Variants in SPATS2L observed in about 807,000 individuals in gnomAD.
SPATS2L encodes SPATS2-like protein.
Under a neutral mutation model 59.6 loss-of-function variants are expected in SPATS2L, and 30 were observed. The ratio of observed to expected loss-of-function variants is 0.50; its 90% CI spans 0.38 to 0.68. The LOEUF (loss-of-function observed/expected upper bound fraction) is 0.68. SPATS2L is among the 30% of genes least tolerant of loss of function. The pLI, the probability that SPATS2L is intolerant of heterozygous loss-of-function variation, is 0.00. For synonymous variants in SPATS2L, 252 were observed against 263.5 expected (o/e 0.96, Z 0.42); for missense variants, 615 against 700.0 (o/e 0.88, Z 1.37).
At chr2:200,307,812 C>A (rs538655972) in intron 1 of SPATS2L, among the ~76,000 whole-genome samples, 4 of 152,208 alleles carry the variant, frequency 2.6e-5, no homozygotes, top group Non-Finnish European at 4.4e-5. Flanking sequence ...TCATCCCCCC[C>A]GCAATCCTGG....
intron 4 of SPATS2L, 135 bp downstream of exon 4, chr2:200,412,554 C>A: frequency 2.8e-5 from 11 of 393,944 alleles, no homozygotes; most frequent in East Asian, 4.2e-5. Context: ...CGAGGTTTCA[C>A]ATGATTGCGC....
Position 200,477,775 on chromosome 2 carries a change from A to G in SPATS2L, c.1421A>G (p.Gln474Arg), listed in dbSNP as rs1419792111. The change falls in exon 13 of 13, where the codon CAG becomes CGG. Residue 474 changes from glutamine (Q) to arginine (R), a missense_variant. Transcript: ENST00000409140. ...KGNSRHEHRR[Q>R]PHNGFRPKNK... is the part of the protein sequence containing the mutation. ...AACAGCCGCCACGAACACAGAAGAC[A>G]GCCGCACAACGGCTTCCGGCCCAAA... 1.3e-6 allele frequency: 2 copies of G among 1,581,380 alleles called. No homozygotes were observed. Among genetic ancestry groups the G allele is most frequent in the Admixed American group, 3.7e-5 (2 of 54,692 alleles).
At chr2:200,306,965 A>C in intron 1 of SPATS2L, 43 bp downstream of exon 1, 4 of 982,380 alleles carry the variant, frequency 4.1e-6, no homozygotes, top group Non-Finnish European at 4.8e-6. Flanking sequence ...CTGGGGATGC[A>C]GGGCGCGGGC....
intron 9 of SPATS2L, among the ~76,000 whole-genome samples, chr2:200,465,042 A>G (rs1217656660): frequency 6.6e-6 from 1 of 152,234 alleles, no homozygotes; most frequent in Admixed American, 6.5e-5. Context: ...CAGCAGGCAT[A>G]TTGCATACCC....
At chr2:200,374,124 A>G (rs940168928) in intron 2 of SPATS2L, among the ~76,000 whole-genome samples, 1 of 152,212 alleles carries the variant, frequency 6.6e-6, no homozygotes, top group Non-Finnish European at 1.5e-5. Context: ...TGCAGGAGCC[A>G]ATCTTAAATT....
intron 2 of SPATS2L, among the ~76,000 whole-genome samples, chr2:200,345,267 C>T (rs2080473206): frequency 6.6e-6 from 1 of 152,072 alleles, no homozygotes; most frequent in East Asian, 1.9e-4. Flanking sequence ...GAAAGTGGTC[C>T]AGTTTCGATC....
chr2:200,338,209 G>C (rs1010193691), intron 2 of SPATS2L, among the ~76,000 whole-genome samples: 3 of 152,062 alleles, frequency 2.0e-5, no homozygotes, highest in African/African-American at 7.2e-5. Context: ...ATTTTTTATA[G>C]AAATGGGATT....
At chr2:200,430,812 G>C (rs2083880095) in intron 6 of SPATS2L, among the ~76,000 whole-genome samples, 1 of 150,014 alleles carries the variant, frequency 6.7e-6, no homozygotes, top group Non-Finnish European at 1.5e-5. Flanking sequence ...CTGCCTCACA[G>C]GTTCAAGTGA....
At chr2:200,321,915 A>G (rs2079572069) in intron 1 of SPATS2L, among the ~76,000 whole-genome samples, 1 of 152,214 alleles carries the variant, frequency 6.6e-6, no homozygotes, top group Non-Finnish European at 1.5e-5. Context: ...ACAGAGAGAT[A>G]GTGGTGGTAG....
rs2106261069 is a variant in SPATS2L at position 200,477,722 on chromosome 2, G to A, written c.1368G>A (p.Gly456=). ...LNGPAKSQGS[G]NEAEPLGKGN... Reference sequence around the variant, plus strand: ...GGCCTGCCAAGTCGCAGGGCAGTGGGAATGAAGCCGAGCCACTGGGAAAGG... The same window carrying A: ...GGCCTGCCAAGTCGCAGGGCAGTGGAAATGAAGCCGAGCCACTGGGAAAGG... The change falls in exon 13 of 13, where the codon GGG becomes GGA. Residue 456 remains glycine (G), a synonymous_variant. Coordinates refer to ENST00000409140, the MANE Select transcript of SPATS2L (RefSeq NM_001100423.2). The A allele has an allele frequency of 2.6e-6, 4 of 1,564,248 alleles. No individual in the cohort carries two copies. The highest frequency in any genetic ancestry group is 2.7e-5 in the African/African-American group (2 of 73,614).
chr2:200,446,893 C>T (rs1553537594), intron 8 of SPATS2L, among the ~76,000 whole-genome samples: 1 of 152,160 alleles, frequency 6.6e-6, no homozygotes, highest in Non-Finnish European at 1.5e-5. Flanking sequence ...CCTCTCACTA[C>T]ACATTTTAAA....
chr2:200,365,537 G>A (rs2081242702), intron 2 of SPATS2L, among the ~76,000 whole-genome samples: 1 of 152,200 alleles, frequency 6.6e-6, no homozygotes. Context: ...ACTCTACCGT[G>A]ATATACTCAG....
At chr2:200,306,328 T>C, upstream of SPATS2L, 1 of 1,002,142 alleles carries the variant, frequency 1.0e-6, no homozygotes, top group Middle Eastern at 2.8e-4. Flanking sequence ...CACGTGCGGA[T>C]TGTGACAAAA....
chr2:200,464,977 T>G (rs2086492429), intron 9 of SPATS2L, among the ~76,000 whole-genome samples: 1 of 152,214 alleles, frequency 6.6e-6, no homozygotes, highest in Non-Finnish European at 1.5e-5. Context: ...ACTTCCATCC[T>G]TCTTTAGATA....
At chr2:200,362,758 T>G (rs1413369106) in intron 2 of SPATS2L, among the ~76,000 whole-genome samples, 1 of 147,578 alleles carries the variant, frequency 6.8e-6, no homozygotes, top group Non-Finnish European at 1.5e-5. Context: ...GGAGTTCAGC[T>G]AGGGGACTAG....
intron 2 of SPATS2L, among the ~76,000 whole-genome samples, chr2:200,370,815 T>C (rs1296746169): frequency 1.3e-5 from 2 of 152,116 alleles, no homozygotes; most frequent in African/African-American, 2.4e-5. Context: ...ATGGCATAAG[T>C]GACATAAATG....
chr2:200,332,640 A>G (rs1468735086), intron 2 of SPATS2L, among the ~76,000 whole-genome samples: 2 of 152,174 alleles, frequency 1.3e-5, no homozygotes, highest in Admixed American at 6.5e-5. Flanking sequence ...GAATAAATCT[A>G]GTAATTTAAT....
At chr2:200,329,561 T>TG in intron 2 of SPATS2L, 81 bp downstream of exon 2, 1 of 1,248,616 alleles carries the variant, frequency 8.0e-7, no homozygotes. Context: ...AGCTGCCTCC[T>TG]GGGAGCCTTG....
At position 200,344,981 on chromosome 2, in the gene SPATS2L, C is replaced by T. The variant is rs1574452583; in HGVS notation, c.-23+15501C>T. On this transcript the variant is annotated intron_variant, in intron 2 of 12. Transcript: ENST00000409140. Reference sequence around the variant, plus strand: ...CTGGATACTAGACCTTTGTCAGCTGCATAGTTTGCAAATATTTTCTCCCAT... The same window carrying T: ...CTGGATACTAGACCTTTGTCAGCTGTATAGTTTGCAAATATTTTCTCCCAT... Among the ~76,000 whole-genome samples the T allele has an allele frequency of 3.9e-5, 6 of 152,212 alleles. No homozygotes were observed. The East Asian group carries it at 1.2e-3, about 29-fold the overall frequency.
Sources: allele counts gnomAD v4.1 joint callset (sites outside exome capture counted in the v4.1 genomes callset), GRCh38; gene constraint gnomAD v4.1.1; transcripts MANE v1.5; gene names NCBI Gene and HGNC (gene_info 2026-07-23, HGNC 2026-07-21).